Variants in ZBTB20 observed in about 807,000 individuals in gnomAD.
The protein encoded by ZBTB20 is zinc finger and BTB domain containing 20, also known as zinc finger and BTB domain-containing protein 20.
In ZBTB20, 9 loss-of-function variants were observed where a neutral mutation model predicts 56.9. The observed-to-expected ratio is 0.16, with a 90% CI of 0.10 to 0.28. The LOEUF (loss-of-function observed/expected upper bound fraction) is 0.28, where lower values mean the gene tolerates loss of function less well. Among genes scored for constraint, ZBTB20 ranks in the 10% least tolerant of loss-of-function variants. The pLI is 1.00. For missense variants in ZBTB20, 655 were observed against 1,003.0 expected (o/e 0.65, Z 4.69); for synonymous variants, 417 against 420.7 (o/e 0.99, Z 0.11).
chr3:114,779,045 T>C (rs1416118305), intron 5 of ZBTB20, among the ~76,000 whole-genome samples: 1 of 152,150 alleles, frequency 6.6e-6, no homozygotes, highest in Non-Finnish European at 1.5e-5. Context: ...GTCTTTTCAA[T>C]TTCCTAATAA....
intron 4 of ZBTB20, among the ~76,000 whole-genome samples, chr3:114,825,283 T>C (rs1026136397): frequency 4.6e-5 from 7 of 151,968 alleles, no homozygotes; most frequent in African/African-American, 1.7e-4. Context: ...ATGTAAGGAA[T>C]GGTTTTCCAC....
At chr3:114,768,267 A>G (rs990694861) in intron 5 of ZBTB20, among the ~76,000 whole-genome samples, 2 of 152,058 alleles carry the variant, frequency 1.3e-5, no homozygotes, top group Admixed American at 6.6e-5. Flanking sequence ...ATCAATAAAA[A>G]ATATGACTTG....
chr3:114,526,929 T>G lies in ZBTB20; in HGVS notation c.-294-26538A>C, dbSNP rs60087087. Among the ~76,000 whole-genome samples, 295 of 152,158 alleles carry G rather than the reference T, an allele frequency of 1.9e-3. 1 individual carries two copies. Among genetic ancestry groups the G allele is most frequent in the African/African-American group, 6.8e-3 (284 of 41,490 alleles). ...TGCTCTCCAGCTCCCCCTTCTCCCC[T>G]CCTCCAGATCTTTTTTCAATAATGG... On this transcript the variant is annotated intron_variant, in intron 6 of 11. Transcript: ENST00000675478.
intron 2 of ZBTB20, among the ~76,000 whole-genome samples, chr3:114,978,151 TCTA>T (rs767698499): frequency 1.3e-5 from 2 of 151,276 alleles, no homozygotes; most frequent in Non-Finnish European, 2.9e-5. Context: ...AACATATTAT[TCTA>T]CTTTTTAAAA....
At chr3:114,559,087 T>C (rs1218221001) in intron 6 of ZBTB20, among the ~76,000 whole-genome samples, 1 of 152,196 alleles carries the variant, frequency 6.6e-6, no homozygotes, top group African/African-American at 2.4e-5. Context: ...TTAACTAGAA[T>C]GTTCCAGAAG....
chr3:114,907,123 G>A (rs886918515), intron 3 of ZBTB20, among the ~76,000 whole-genome samples: 1 of 151,698 alleles, frequency 6.6e-6, no homozygotes, highest in Non-Finnish European at 1.5e-5. Flanking sequence ...CTATAATAAA[G>A]TAACAGCATA....
intron 6 of ZBTB20, among the ~76,000 whole-genome samples, chr3:114,652,876 A>C (rs1227724773): frequency 6.6e-6 from 1 of 151,916 alleles, no homozygotes; most frequent in Non-Finnish European, 1.5e-5. Context: ...TTCTTTTGTT[A>C]AACTTTTATT....
chr3:114,332,051 C>T lies in ZBTB20; in HGVS notation c.*6954G>A, dbSNP rs1232933631. 1 of 149,806 alleles carries T rather than the reference C, an allele frequency of 6.7e-6. No individual in the cohort carries two copies. The highest frequency in any genetic ancestry group is 1.5e-5 in the Non-Finnish European group (1 of 67,680). The allele number at this position is 149,806 out of a possible 1,614,324, so 9.3% of individuals were successfully genotyped here. The stretch of plus-strand genomic sequence containing the variant: ...TTGCAACACTAGTAGAAACAGATGC[C>T]CCCAAGGTTTTTTTTTTTTTTTTTT... On this transcript the variant is annotated 3_prime_UTR_variant, in exon 12 of 12. Coordinates refer to ENST00000675478, the MANE Select transcript of ZBTB20 (RefSeq NM_001348800.3).
intron 2 of ZBTB20, among the ~76,000 whole-genome samples, chr3:114,986,506 A>G (rs556778107): frequency 2.0e-5 from 3 of 152,198 alleles, no homozygotes; most frequent in Admixed American, 1.3e-4. Context: ...TTTGTCTTCA[A>G]GATGTTTACT....
intron 6 of ZBTB20, among the ~76,000 whole-genome samples, chr3:114,657,525 T>C (rs2060481996): frequency 1.3e-5 from 2 of 152,234 alleles, no homozygotes; most frequent in Non-Finnish European, 2.9e-5. Context: ...GGGTAACTTA[T>C]ATGTAGATTC....
intron 2 of ZBTB20, among the ~76,000 whole-genome samples, chr3:115,058,770 T>C (rs1320174935): frequency 6.6e-6 from 1 of 152,150 alleles, no homozygotes; most frequent in Non-Finnish European, 1.5e-5. Flanking sequence ...TTTTCTTCCT[T>C]CCTTCCCCAC....
intron 3 of ZBTB20, among the ~76,000 whole-genome samples, chr3:114,923,327 C>T (rs564724421): frequency 2.0e-5 from 3 of 152,108 alleles, no homozygotes; most frequent in Non-Finnish European, 2.9e-5. Flanking sequence ...ATTTGTCTTA[C>T]GAAGCTACAG....
At chr3:114,902,662 A>G (rs1284594777) in intron 3 of ZBTB20, among the ~76,000 whole-genome samples, 2 of 152,168 alleles carry the variant, frequency 1.3e-5, no homozygotes, top group Admixed American at 1.3e-4. Context: ...GGACAGTTAC[A>G]TAATAGGAGA....
At chr3:114,895,909 T>A (rs1277394729) in intron 4 of ZBTB20, among the ~76,000 whole-genome samples, 1 of 152,142 alleles carries the variant, frequency 6.6e-6, no homozygotes, top group African/African-American at 2.4e-5. Context: ...TACTGAATAA[T>A]GGAGCTAGAC....
intron 7 of ZBTB20, among the ~76,000 whole-genome samples, chr3:114,391,270 T>C (rs2085849590): frequency 3.9e-5 from 6 of 152,234 alleles, no homozygotes; most frequent in Admixed American, 3.9e-4. Flanking sequence ...TTGGATTAAA[T>C]TCAAACTTCT....
In ZBTB20 at chr3:114,314,977, C is replaced by T. The variant is rs1040608212; in HGVS notation, c.*24028G>A. On this transcript the variant is annotated 3_prime_UTR_variant, in exon 12 of 12. Transcript: ENST00000675478. ...AACTGGCAGGATGTGTGTATTTAGT[C>T]TATATTTTAAAGCACTTGATAGAAA... is the stretch of plus-strand genomic sequence containing the variant. 6.6e-6 allele frequency: 1 copy of T among 151,772 alleles called. No individual in the cohort carries two copies. The highest frequency in any genetic ancestry group is 1.5e-5 in the Non-Finnish European group (1 of 67,984). The allele number at this position is 151,772 out of a possible 1,614,324, so 9.4% of individuals were successfully genotyped here.
chr3:114,842,527 T>C (rs1463596249), intron 4 of ZBTB20, among the ~76,000 whole-genome samples: 3 of 152,120 alleles, frequency 2.0e-5, no homozygotes, highest in Non-Finnish European at 1.5e-5. Flanking sequence ...TACACAGTAG[T>C]AAAATGGCAG....
chr3:114,704,708 ACTCT>A (rs2063607068), intron 5 of ZBTB20, among the ~76,000 whole-genome samples: 1 of 152,078 alleles, frequency 6.6e-6, no homozygotes, highest in East Asian at 1.9e-4. Flanking sequence ...ATGAATTCTA[ACTCT>A]CTCATTTTCG....
chr3:115,106,641 C>T lies in ZBTB20; in HGVS notation c.-702-35227G>A, dbSNP rs78122910. On this transcript the variant is annotated intron_variant, in intron 1 of 11. Transcript: ENST00000675478. ...CCATCCTTAAATGGGAAGAGTTGCACATCTAATTTAAATTCTAATCAACAA... is the reference window on the plus strand; with the variant it reads ...CCATCCTTAAATGGGAAGAGTTGCATATCTAATTTAAATTCTAATCAACAA... 6.6e-3 allele frequency among the ~76,000 whole-genome samples: 1,004 copies of T among 152,208 alleles called. 11 individuals are homozygous for T. Among genetic ancestry groups the T allele is most frequent in the African/African-American group, 0.022 (922 of 41,518 alleles).
Sources: allele counts gnomAD v4.1 joint callset (sites outside exome capture counted in the v4.1 genomes callset), GRCh38; gene constraint gnomAD v4.1.1; transcripts MANE v1.5; gene names NCBI Gene and HGNC (gene_info 2026-07-23, HGNC 2026-07-21).